The following CENPP variants were observed in gnomAD, a reference collection of about 807,000 sequenced individuals.
The protein encoded by CENPP is centromere protein P.
A neutral mutation model predicts 35.6 loss-of-function variants in CENPP; 24 were observed. The observed-to-expected ratio is 0.67, with a 90% CI of 0.49 to 0.95. The LOEUF (loss-of-function observed/expected upper bound fraction) is 0.95, where lower values mean the gene tolerates loss of function less well. Ranked by LOEUF, CENPP falls within the 40% of genes least tolerant of loss-of-function variation. The probability of loss-of-function intolerance (pLI) is 0.00; values close to 1 mark genes in which losing one functional copy is unlikely to be tolerated. For synonymous variants in CENPP, 120 were observed against 125.5 expected, an observed-to-expected ratio of 0.96 and a Z score of 0.29; for missense variants, 332 against 345.3, an observed-to-expected ratio of 0.96 and a Z score of 0.31.
chr9:92,418,405 A>G (rs1220198113), intron 5 of CENPP, among the ~76,000 whole-genome samples: 1 of 150,204 alleles, frequency 6.7e-6, no homozygotes, highest in Non-Finnish European at 1.5e-5. Context: ...TTTTTTTTTT[A>G]AGTCACATAT....
rs1035938335 is a variant in CENPP, at chr9:92,611,451, A to G, written c.644+58A>G. ...TCCTGTTCAAACAAGGATTCCAAGT[A>G]GGAGACCACCTAAGTAGGATTCTAA... On this transcript the variant is annotated intron_variant, in intron 6 of 7. Coordinates refer to ENST00000375587, the MANE Select transcript of CENPP (RefSeq NM_001012267.3). The G allele has an allele frequency of 5.2e-6, 7 of 1,357,704 alleles. No individual in the cohort carries two copies. The African/African-American group carries it at 1.0e-4, about 20-fold the overall frequency. The allele number at this position is 1,357,704 out of a possible 1,614,324, so 84.1% of individuals were successfully genotyped here. A position where few individuals can be genotyped will look rare whatever the true frequency, so the allele number is the denominator to read the frequency against.
At chr9:92,586,506 A>G (rs1850545256) in intron 5 of CENPP, among the ~76,000 whole-genome samples, 1 of 152,094 alleles carries the variant, frequency 6.6e-6, no homozygotes, top group Non-Finnish European at 1.5e-5. Flanking sequence ...ACCAGGGGAA[A>G]AAAGAGTACA....
At chr9:92,500,533 A>C (rs912614926) in intron 5 of CENPP, among the ~76,000 whole-genome samples, 1 of 152,240 alleles carries the variant, frequency 6.6e-6, no homozygotes, top group Non-Finnish European at 1.5e-5. Flanking sequence ...AAGTAGGAAA[A>C]GCTTATAATG....
Position 92,325,976 on chromosome 9 carries a change from C to T in CENPP, c.-23C>T, listed in dbSNP as rs780423998. On this transcript the variant is annotated 5_prime_UTR_variant, in exon 1 of 8. Transcript: ENST00000375587. Reference sequence around the variant, plus strand: ...TCGGAGTGACAGCTGCGCTGCCGGCCCGGCTGCGGTCAGCAACGCGCCATG... The same window carrying T: ...TCGGAGTGACAGCTGCGCTGCCGGCTCGGCTGCGGTCAGCAACGCGCCATG... The T allele has an allele frequency of 5.2e-6, 8 of 1,542,152 alleles. No homozygotes were observed. In the South Asian group the frequency reaches 9.5e-5, roughly 18 times the overall value.
chr9:92,349,761 G>A (rs1841397504), intron 4 of CENPP, among the ~76,000 whole-genome samples: 1 of 152,092 alleles, frequency 6.6e-6, no homozygotes, highest in South Asian at 2.1e-4. Flanking sequence ...CTTTATATAT[G>A]TTTGTATGTA....
Position 92,619,199 on chromosome 9 carries a change from C to G in CENPP, c.*6050C>G. On this transcript the variant is annotated 3_prime_UTR_variant, in exon 8 of 8. Coordinates refer to ENST00000375587, the MANE Select transcript of CENPP (RefSeq NM_001012267.3). ...GGGAATGCAATGGGCAGCTCACTGTCCACATTGTTTCTGAGCTCTTGGGAG... is the reference window on the plus strand; with the variant it reads ...GGGAATGCAATGGGCAGCTCACTGTGCACATTGTTTCTGAGCTCTTGGGAG... The G allele has an allele frequency of 2.7e-6, 1 of 371,626 alleles. No individual in the cohort carries two copies. Among genetic ancestry groups the G allele is most frequent in the South Asian group, 3.5e-5 (1 of 28,876 alleles). 23.0% of individuals were successfully genotyped at this position (371,626 alleles called of 1,614,324 possible).
chr9:92,589,199 C>T (rs969065996), intron 5 of CENPP, among the ~76,000 whole-genome samples: 1 of 151,244 alleles, frequency 6.6e-6, no homozygotes, highest in African/African-American at 2.4e-5. Context: ...ATTAGCTGGG[C>T]GTGGTAATGC....
At chr9:92,375,202 C>G (rs568920621) in intron 4 of CENPP, among the ~76,000 whole-genome samples, 5 of 152,150 alleles carry the variant, frequency 3.3e-5, no homozygotes, top group African/African-American at 1.2e-4. Context: ...GGGTGTCCCA[C>G]AAGTCTCTTA....
intron 5 of CENPP, chr9:92,457,264 A>G (rs868522113): frequency 1.8e-5 from 29 of 1,607,282 alleles, no homozygotes; most frequent in Middle Eastern, 3.3e-4. Context: ...CTTATATTAA[A>G]TGGACATTAC....
chr9:92,390,636 G>A (rs865825495), intron 5 of CENPP, among the ~76,000 whole-genome samples: 3 of 152,010 alleles, frequency 2.0e-5, no homozygotes, highest in Non-Finnish European at 4.4e-5. Context: ...GGATAATTAG[G>A]AAATCAATTG....
intron 5 of CENPP, among the ~76,000 whole-genome samples, chr9:92,392,583 C>G (rs1163985917): frequency 6.6e-6 from 1 of 151,728 alleles, no homozygotes; most frequent in Non-Finnish European, 1.5e-5. Flanking sequence ...CCACTCTACT[C>G]CAGCCTGGGC....
At chr9:92,511,342 G>A (rs1847326733) in intron 5 of CENPP, among the ~76,000 whole-genome samples, 1 of 146,142 alleles carries the variant, frequency 6.8e-6, no homozygotes, top group African/African-American at 2.7e-5. Flanking sequence ...GGCCAGGCTG[G>A]TCTCAAACTC....
intron 5 of CENPP, chr9:92,500,824 C>A: frequency 1.2e-6 from 2 of 1,614,162 alleles, no homozygotes; most frequent in South Asian, 1.1e-5. Context: ...AGAAATAATT[C>A]TCTCAGAGAA....
At chr9:92,528,856 C>T (rs532981102) in intron 5 of CENPP, among the ~76,000 whole-genome samples, 1 of 152,206 alleles carries the variant, frequency 6.6e-6, no homozygotes, top group African/African-American at 2.4e-5. Flanking sequence ...CACAAAGAAA[C>T]AGGAAAAGTT....
At chr9:92,382,528 T>C (rs769876962) in intron 5 of CENPP, among the ~76,000 whole-genome samples, 2 of 152,170 alleles carry the variant, frequency 1.3e-5, no homozygotes, top group Non-Finnish European at 2.9e-5. Context: ...GGAGACCAGT[T>C]TATCTATTTT....
intron 5 of CENPP, among the ~76,000 whole-genome samples, chr9:92,570,114 A>G (rs914156123): frequency 5.3e-5 from 8 of 152,058 alleles, no homozygotes; most frequent in Admixed American, 1.3e-4. Context: ...TTCCAACACT[A>G]TGTTGAATAG....
At chr9:92,360,189 T>A (rs957072826) in intron 4 of CENPP, among the ~76,000 whole-genome samples, 7 of 152,234 alleles carry the variant, frequency 4.6e-5, no homozygotes, top group Non-Finnish European at 1.0e-4. Context: ...TATTGGCTGC[T>A]GTGGGGATTA....
chr9:92,591,165 A>G (rs936284748), intron 5 of CENPP, among the ~76,000 whole-genome samples: 3 of 152,112 alleles, frequency 2.0e-5, no homozygotes, highest in African/African-American at 7.2e-5. Flanking sequence ...CACGCCTGTA[A>G]TCCCAGCACT....
chr9:92,361,523 A>T (rs1264129858), intron 4 of CENPP, among the ~76,000 whole-genome samples: 1 of 149,392 alleles, frequency 6.7e-6, no homozygotes, highest in African/African-American at 2.5e-5. Context: ...TCTGTCACCC[A>T]GGCTGGAGTG....
Sources: allele counts gnomAD v4.1 joint callset (sites outside exome capture counted in the v4.1 genomes callset), GRCh38; gene constraint gnomAD v4.1.1; transcripts MANE v1.5; gene names NCBI Gene and HGNC (gene_info 2026-07-23, HGNC 2026-07-21).